Variants in CACNA1D observed in about 807,000 individuals in gnomAD.
CACNA1D encodes the protein voltage-dependent L-type calcium channel subunit alpha-1D.
Under a neutral mutation model 257.1 loss-of-function variants are expected in CACNA1D, and 55 were observed. The observed-to-expected ratio is 0.21, with a 90% CI of 0.17 to 0.27. The LOEUF is 0.27. Among genes scored for constraint, CACNA1D ranks in the 10% least tolerant of loss-of-function variants. CACNA1D has a pLI of 1.00. For synonymous variants in CACNA1D, 980 were observed against 1,014.9 expected (o/e 0.97, Z 0.65); for missense variants, 1,876 against 2,784.0 (o/e 0.67, Z 7.34).
intron 8 of CACNA1D, among the ~76,000 whole-genome samples, chr3:53,681,108 G>C (rs572406588): frequency 1.1e-4 from 16 of 152,330 alleles, no homozygotes; most frequent in Non-Finnish European, 2.1e-4. Context: ...TGTGTGAGAT[G>C]AGAGGCATGG....
chr3:53,581,951 G>A (rs1326391906), intron 3 of CACNA1D, among the ~76,000 whole-genome samples: 1 of 152,102 alleles, frequency 6.6e-6, no homozygotes, highest in Admixed American at 6.6e-5. Flanking sequence ...TGGAGGCTTT[G>A]GACTGATCTC....
intron 3 of CACNA1D, among the ~76,000 whole-genome samples, chr3:53,563,808 T>C (rs1372025635): frequency 6.6e-6 from 1 of 152,222 alleles, no homozygotes; most frequent in East Asian, 1.9e-4. Context: ...GTTTTCTTTT[T>C]TTCTAAAAAG....
intron 40 of CACNA1D, among the ~76,000 whole-genome samples, chr3:53,790,507 A>G (rs1559693889): frequency 6.6e-6 from 1 of 152,224 alleles, no homozygotes; most frequent in Non-Finnish European, 1.5e-5. Context: ...TTCCATCTCC[A>G]TTGTAGGAAA....
intron 3 of CACNA1D, among the ~76,000 whole-genome samples, chr3:53,533,909 GCAT>G (rs1424631394): frequency 1.1e-4 from 17 of 152,286 alleles, no homozygotes; most frequent in East Asian, 7.7e-4. Context: ...GGGGATAATA[GCAT>G]CATCGTTAAT....
intron 29 of CACNA1D, among the ~76,000 whole-genome samples, chr3:53,759,374 G>A (rs1480193751): frequency 6.6e-6 from 1 of 152,232 alleles, no homozygotes; most frequent in African/African-American, 2.4e-5. Context: ...CAAAGTCAGA[G>A]GCTGGCCTCC....
intron 40 of CACNA1D, among the ~76,000 whole-genome samples, chr3:53,787,530 GCT>G: frequency 6.6e-6 from 1 of 151,768 alleles, no homozygotes; most frequent in East Asian, 1.9e-4. Context: ...CACATGCTAT[GCT>G]CTCATGCCCC....
chr3:53,770,366 G>A (rs1476558926), intron 31 of CACNA1D, 58 bp from the exon 32 acceptor site: 2 of 1,561,668 alleles, frequency 1.3e-6, no homozygotes, highest in Non-Finnish European at 1.8e-6. Context: ...CTGTTTTTCT[G>A]AAAGTGTTGC....
intron 3 of CACNA1D, among the ~76,000 whole-genome samples, chr3:53,585,912 T>C (rs1490570879): frequency 6.6e-6 from 1 of 152,128 alleles, no homozygotes; most frequent in Admixed American, 6.6e-5. Context: ...GGGAGAGAAC[T>C]TTCAACACTG....
At chr3:53,729,100 G>A (rs905990947) in intron 15 of CACNA1D, among the ~76,000 whole-genome samples, 2 of 152,140 alleles carry the variant, frequency 1.3e-5, no homozygotes, top group Admixed American at 6.5e-5. Flanking sequence ...GCCCCTGTCC[G>A]AGTTACCATT....
At chr3:53,652,025 G>A (rs189050453) in intron 4 of CACNA1D, among the ~76,000 whole-genome samples, 9 of 152,140 alleles carry the variant, frequency 5.9e-5, no homozygotes, top group Non-Finnish European at 1.3e-4. Context: ...TTTTCAAACC[G>A]CCCCCGCCGC....
At chr3:53,713,308 G>A (rs568973906) in intron 9 of CACNA1D, among the ~76,000 whole-genome samples, 7 of 152,318 alleles carry the variant, frequency 4.6e-5, no homozygotes, top group Middle Eastern at 3.4e-3. Context: ...CAAGCATAGG[G>A]GAAAAGAGGC....
chr3:53,629,474 C>G (rs1355122987), intron 3 of CACNA1D, among the ~76,000 whole-genome samples: 1 of 152,220 alleles, frequency 6.6e-6, no homozygotes, highest in Non-Finnish European at 1.5e-5. Flanking sequence ...CATCCTTTAA[C>G]ATTGAGATGA....
At chr3:53,798,348 T>C (rs556074859) in intron 40 of CACNA1D, among the ~76,000 whole-genome samples, 5 of 149,150 alleles carry the variant, frequency 3.4e-5, no homozygotes, top group South Asian at 4.2e-4. Context: ...CGTGTGTGTG[T>C]GCACGTGCAC....
chr3:53,506,926 A>G (rs1441766460), intron 3 of CACNA1D, among the ~76,000 whole-genome samples: 1 of 152,060 alleles, frequency 6.6e-6, no homozygotes, highest in Non-Finnish European at 1.5e-5. Flanking sequence ...AAATTGATTG[A>G]GCCAGTCATA....
At chr3:53,591,143 A>C (rs1414767348) in intron 3 of CACNA1D, among the ~76,000 whole-genome samples, 1 of 151,958 alleles carries the variant, frequency 6.6e-6, no homozygotes, top group African/African-American at 2.4e-5. Flanking sequence ...TCACATAAGC[A>C]AGGGCCCCAT....
intron 40 of CACNA1D, among the ~76,000 whole-genome samples, chr3:53,798,328 CGTGTGTGT>C (rs952988435): frequency 8.5e-6 from 1 of 118,230 alleles, no homozygotes; most frequent in Non-Finnish European, 1.8e-5. Flanking sequence ...TGTGTGTGTG[CGTGTGTGT>C]GCGTGTGTGT....
At position 53,756,472 on chromosome 3, in the gene CACNA1D, G is replaced by A. The variant is rs977129981; in HGVS notation, c.3786+2790G>A. 4.6e-5 allele frequency among the ~76,000 whole-genome samples: 7 copies of A among 152,334 alleles called. 1 individual carries two copies. Among genetic ancestry groups the A allele is most frequent in the African/African-American group, 1.7e-4 (7 of 41,574 alleles). On this transcript the variant is annotated intron_variant, in intron 29 of 47. Transcript: ENST00000350061. ...AGCACTGGTCAGGCAAGAGTGGAAGGTAGTTAGGAGCCGAAGCGCAAAAGC... is the reference window on the plus strand; with the variant it reads ...AGCACTGGTCAGGCAAGAGTGGAAGATAGTTAGGAGCCGAAGCGCAAAAGC...
chr3:53,654,364 G>A (rs936443119), intron 4 of CACNA1D, among the ~76,000 whole-genome samples: 1 of 152,184 alleles, frequency 6.6e-6, no homozygotes, highest in African/African-American at 2.4e-5. Flanking sequence ...ACAGTGTATT[G>A]TGGTGTCTAT....
intron 3 of CACNA1D, among the ~76,000 whole-genome samples, chr3:53,526,951 A>C (rs1167460010): frequency 6.6e-6 from 1 of 152,210 alleles, no homozygotes; most frequent in Non-Finnish European, 1.5e-5. Flanking sequence ...AATCTAGGAA[A>C]ATCTTTCCTC....
Sources: gnomAD v4.1 joint callset for allele counts (sites outside exome capture counted in the v4.1 genomes callset) on GRCh38, gnomAD v4.1.1 for gene constraint, MANE v1.5 for transcripts, NCBI Gene and HGNC (gene_info 2026-07-23, HGNC 2026-07-21) for gene names.